The following PRKCQ variants were observed in gnomAD, a reference collection of about 807,000 sequenced individuals.
The protein encoded by PRKCQ is protein kinase C theta type.
In PRKCQ, 41 loss-of-function variants were observed where a neutral mutation model predicts 91.2. That is an observed-to-expected ratio of 0.45 (90% CI 0.35 to 0.58). The LOEUF (loss-of-function observed/expected upper bound fraction) is 0.58, where lower values mean the gene tolerates loss of function less well. PRKCQ is among the 20% of genes least tolerant of loss of function. The pLI, the probability that PRKCQ is intolerant of heterozygous loss-of-function variation, is 0.00. For missense variants in PRKCQ, 673 were observed against 896.5 expected (o/e 0.75, Z 3.18); for synonymous variants, 307 against 316.9 (o/e 0.97, Z 0.33).
the PRKCQ span, among the ~76,000 whole-genome samples, chr10:6,404,583 CTTTCT>C: frequency 7.4e-4 from 96 of 130,566 alleles, no homozygotes; most frequent in African/African-American, 2.5e-3. Context: ...CTCTTTCTTT[CTTTCT>C]TTTTTTCTCT....
At chr10:6,554,679 G>C (rs1840338469) in intron 1 of PRKCQ, among the ~76,000 whole-genome samples, 2 of 152,120 alleles carry the variant, frequency 1.3e-5, no homozygotes, top group African/African-American at 4.8e-5. Context: ...CTTTCAATAA[G>C]TCTTTTATTA....
At chr10:6,572,505 TTAG>T (rs927715401) in intron 1 of PRKCQ, among the ~76,000 whole-genome samples, 38 of 152,174 alleles carry the variant, frequency 2.5e-4, no homozygotes, top group African/African-American at 8.7e-4. Flanking sequence ...TGCTCCTGTG[TTAG>T]TTTGCTGAGG....
intron 11 of PRKCQ, among the ~76,000 whole-genome samples, chr10:6,479,819 G>A (rs1363218934): frequency 2.0e-5 from 3 of 151,158 alleles, no homozygotes; most frequent in African/African-American, 7.3e-5. Context: ...CGGGCATGGT[G>A]GTGGGTGCCT....
At chr10:6,524,555 C>T (rs1346605799) in intron 1 of PRKCQ, among the ~76,000 whole-genome samples, 1 of 152,222 alleles carries the variant, frequency 6.6e-6, no homozygotes. Context: ...CTTCCAGAAT[C>T]TATAGAATTA....
At chr10:6,452,544 A>T (rs566850325) in intron 15 of PRKCQ, among the ~76,000 whole-genome samples, 11 of 150,824 alleles carry the variant, frequency 7.3e-5, no homozygotes, top group African/African-American at 2.7e-4. Flanking sequence ...GCTACCAATG[A>T]CTTTCTTCAC....
At chr10:6,538,763 T>C (rs1346349000) in intron 1 of PRKCQ, among the ~76,000 whole-genome samples, 1 of 152,236 alleles carries the variant, frequency 6.6e-6, no homozygotes, top group Non-Finnish European at 1.5e-5. Flanking sequence ...CCATACTCTC[T>C]AGAAATGAAG....
intron 16 of PRKCQ, among the ~76,000 whole-genome samples, chr10:6,441,451 AT>A (rs888850003): frequency 8.0e-6 from 1 of 124,962 alleles, no homozygotes. Context: ...CTAAATGCCC[AT>A]TTTGTTTCTT....
chr10:6,518,446 TTAA>T (rs1838860013), intron 1 of PRKCQ, among the ~76,000 whole-genome samples: 2 of 152,092 alleles, frequency 1.3e-5, no homozygotes, highest in Admixed American at 1.3e-4. Context: ...ACATTAGAAA[TTAA>T]TAATGCATTT....
intron 4 of PRKCQ, among the ~76,000 whole-genome samples, chr10:6,499,678 T>C (rs1246236616): frequency 6.6e-6 from 1 of 152,232 alleles, no homozygotes; most frequent in Non-Finnish European, 1.5e-5. Flanking sequence ...ATACAAAACA[T>C]TGAGGTTTCA....
At chr10:6,433,725 A>C (rs1833531934) in intron 16 of PRKCQ, among the ~76,000 whole-genome samples, 1 of 152,116 alleles carries the variant, frequency 6.6e-6, no homozygotes, top group Non-Finnish European at 1.5e-5. Flanking sequence ...CATGGAGCTG[A>C]TTGATGTTTT....
At chr10:6,471,422 T>C (rs1835960853) in intron 12 of PRKCQ, among the ~76,000 whole-genome samples, 1 of 151,944 alleles carries the variant, frequency 6.6e-6, no homozygotes, top group Admixed American at 6.6e-5. Context: ...ATTTATAGAG[T>C]AGGTAGTTTG....
intron 11 of PRKCQ, 41 bp downstream of exon 11, chr10:6,483,399 C>G: frequency 6.2e-7 from 1 of 1,612,232 alleles, no homozygotes; most frequent in Non-Finnish European, 8.5e-7. Flanking sequence ...CTCATCAGTT[C>G]CTGGAGTTGG....
chr10:6,423,318 C>A (rs1731315298), downstream of PRKCQ, among the ~76,000 whole-genome samples: 1 of 152,156 alleles, frequency 6.6e-6, no homozygotes, highest in Non-Finnish European at 1.5e-5. Context: ...CACACGCATG[C>A]CCCAGGGACA....
chr10:6,576,555 G>A lies in PRKCQ; in HGVS notation c.-10+3656C>T, dbSNP rs764568283. Among the ~76,000 whole-genome samples the A allele has an allele frequency of 6.6e-6, 1 of 152,204 alleles. No homozygotes were observed. The highest frequency in any genetic ancestry group is 1.5e-5 in the Non-Finnish European group (1 of 68,028). On this transcript the variant is annotated intron_variant, in intron 1 of 17. Transcript: ENST00000263125. This position sits in a 1 kb window ranked among gnomAD's most constrained non-coding sequence, Gnocchi z 4.2. Reference sequence around the variant, plus strand: ...CCAGGGGCTGAGAGGAAAGACGGATGAGGAACGAATGTTCCACGAGGACAG... The same window carrying A: ...CCAGGGGCTGAGAGGAAAGACGGATAAGGAACGAATGTTCCACGAGGACAG...
the PRKCQ span, among the ~76,000 whole-genome samples, chr10:6,404,258 G>GAGAGAGAGAC: frequency 1.6e-3 from 195 of 118,710 alleles, 3 homozygotes; most frequent in African/African-American, 8.3e-3. Flanking sequence ...GGGGGGGGGA[G>GAGAGAGAGAC]AGAGAGAGAG....
At chr10:6,502,656 G>C (rs1837981652) in intron 4 of PRKCQ, among the ~76,000 whole-genome samples, 2 of 152,188 alleles carry the variant, frequency 1.3e-5, no homozygotes, top group South Asian at 2.1e-4. Flanking sequence ...GAATGGATGG[G>C]ATATGGCAGG....
At chr10:6,416,094 G>C in the PRKCQ span, among the ~76,000 whole-genome samples, 1 of 152,080 alleles carries the variant, frequency 6.6e-6, no homozygotes, top group Non-Finnish European at 1.5e-5. Context: ...AGAATACTTG[G>C]CAAATAAGCC....
chr10:6,524,639 C>G (rs1839132779), intron 1 of PRKCQ, among the ~76,000 whole-genome samples: 1 of 152,214 alleles, frequency 6.6e-6, no homozygotes, highest in Non-Finnish European at 1.5e-5. Context: ...GGACAGAGCT[C>G]TCACCAAAGC....
At chr10:6,409,083 AT>A in the PRKCQ span, among the ~76,000 whole-genome samples, 1 of 152,030 alleles carries the variant, frequency 6.6e-6, no homozygotes, top group Admixed American at 6.6e-5. Flanking sequence ...CTGGTTTTTC[AT>A]TTTCACAGTG....
Sources: allele counts gnomAD v4.1 joint callset (sites outside exome capture counted in the v4.1 genomes callset), GRCh38; gene constraint gnomAD v4.1.1; non-coding constraint Gnocchi (gnomAD v3.1); transcripts MANE v1.5; gene names NCBI Gene and HGNC (gene_info 2026-07-23, HGNC 2026-07-21).